IQCN: variants seen among roughly 807,000 people sequenced by gnomAD.
IQCN encodes IQ motif containing N, also known as IQ domain-containing protein N.
Under a neutral mutation model 64.4 loss-of-function variants are expected in IQCN, and 46 were observed. The observed-to-expected ratio is 0.71, with a 90% confidence interval of 0.56 to 0.91. The LOEUF (loss-of-function observed/expected upper bound fraction) is 0.91, where lower values mean the gene tolerates loss of function less well. Ranked by LOEUF, IQCN falls within the 40% of genes least tolerant of loss-of-function variation. The pLI, the probability that IQCN is intolerant of heterozygous loss-of-function variation, is 0.00. For synonymous variants in IQCN, 733 were observed against 775.6 expected (o/e 0.95, Z 0.91); for missense variants, 1,753 against 1,857.4 (o/e 0.94, Z 1.03).
rs758753850 is a variant in IQCN, at chr19:18,257,740, G to T, written c.3544C>A (p.His1182Asn). The change falls in exon 4 of 4, where the codon CAC becomes AAC. Residue 1182 changes from histidine to asparagine, a missense_variant. His to Asn is a moderately conservative substitution (Grantham distance 68). Coordinates refer to ENST00000392413, the MANE Select transcript of IQCN (RefSeq NM_001145304.2). ...GYSTRRDQARHWQMLHPVTWV... is the reference protein window; with the variant it reads ...GYSTRRDQARNWQMLHPVTWV... ...GTGACGGGGTGGAGCATCTGCCAGT[G>T]CCGGGCTTGGTCCCGGCGGGTGCTG... is the stretch of plus-strand genomic sequence containing the variant. 1.9e-6 allele frequency: 3 copies of T among 1,611,034 alleles called. No homozygotes were observed. Among genetic ancestry groups the T allele is most frequent in the Non-Finnish European group, 2.5e-6 (3 of 1,178,922 alleles).
In IQCN at chr19:18,267,055, T is replaced by C. The variant is rs751393774; in HGVS notation, c.485A>G (p.Asp162Gly). 6.2e-7 allele frequency: 1 copy of C among 1,614,248 alleles called. No individual in the cohort carries two copies. Among genetic ancestry groups the C allele is most frequent in the Non-Finnish European group, 8.5e-7 (1 of 1,180,040 alleles). ...CTGCTGTGGGGCGTGATAAGGTATG[T>C]CCCCCTCCTCCGCCCTCGTTTTCTT... is the stretch of plus-strand genomic sequence containing the variant. The part of the protein sequence containing the change: ...LVKKTRAEEG[D>G]IPYHAPQQVR... The change falls in exon 3 of 4, where the codon GAC (aspartate) becomes GGC (glycine). Residue 162 changes from aspartate (D) to glycine (G), a missense_variant. Transcript: ENST00000392413.
At position 18,257,370 on chromosome 19, in the gene IQCN, G is replaced by A. The variant is rs764246104; in HGVS notation, c.3914C>T (p.Thr1305Ile). 2 of 1,612,046 alleles carry A rather than the reference G, an allele frequency of 1.2e-6. No homozygotes were observed. The highest frequency in any genetic ancestry group is 1.3e-5 in the African/African-American group (1 of 75,078). The change falls in exon 4 of 4, where the codon ACA (threonine) becomes ATA (isoleucine). Residue 1305 changes from threonine (T) to isoleucine (I), a missense_variant. Physicochemically the swap from Thr to Ile is moderately conservative, Grantham distance 89. Coordinates refer to ENST00000392413, the MANE Select transcript of IQCN (RefSeq NM_001145304.2). ...GCCCCTCCAGGCGGACTGGATGGCT[G>A]TGGCCGCTTTGTCCTGGCGATGCGG... is the stretch of plus-strand genomic sequence containing the variant. ...RQPHRQDKAA[T>I]AIQSAWRGFK...
At chr19:18,269,663 G>T (rs1969692367) in intron 1 of IQCN, 76 bp from the exon 2 acceptor site, 10 of 408,724 alleles carry the variant, frequency 2.4e-5, no homozygotes, top group South Asian at 1.3e-4. Flanking sequence ...TTCTAAAAAA[G>T]CTAAATTCTA....
chr19:18,273,190 C>T (rs1969778918), intron 1 of IQCN, among the ~76,000 whole-genome samples: 1 of 151,978 alleles, frequency 6.6e-6, no homozygotes, highest in South Asian at 2.1e-4. Context: ...TGCCACCACA[C>T]TTGGCTAACT....
intron 3 of IQCN, among the ~76,000 whole-genome samples, chr19:18,263,200 G>A (rs562343420): frequency 2.0e-5 from 3 of 152,308 alleles, no homozygotes; most frequent in East Asian, 1.9e-4. Context: ...CTGCTTTCCC[G>A]TGACTCATCT....
intron 3 of IQCN, chr19:18,262,064 T>C (rs1031895530): frequency 1.3e-5 from 2 of 153,148 alleles, no homozygotes; most frequent in African/African-American, 2.4e-5. Flanking sequence ...TGGGCTGATA[T>C]GGGTAGGTTG....
chr19:18,266,594 C>T lies in IQCN; in HGVS notation c.946G>A (p.Gly316Ser). 2 of 1,613,624 alleles carry T rather than the reference C, an allele frequency of 1.2e-6. No homozygotes were observed. The highest frequency in any genetic ancestry group is 1.7e-6 in the Non-Finnish European group (2 of 1,179,776). The change falls in exon 3 of 4, where the codon GGC becomes AGC. Residue 316 changes from glycine to serine, a missense_variant. Physicochemically the swap from Gly to Ser is moderately conservative, Grantham distance 56 (BLOSUM62 0). Transcript: ENST00000392413. The surrounding 1 kb of genome is among the most constrained non-coding windows in gnomAD (Gnocchi z 4.3). ...VTRPSRAQTQ[G>S]PVKAETPKAP... ...TTGGGGGTCTCTGCTTTCACAGGGCCCTGGGTTTGGGCTCTGGATGGTCTC... is the reference window on the plus strand; with the variant it reads ...TTGGGGGTCTCTGCTTTCACAGGGCTCTGGGTTTGGGCTCTGGATGGTCTC...
chr19:18,269,480 G>A lies in IQCN; in HGVS notation c.-2C>T. The A allele has an allele frequency of 6.2e-7, 1 of 1,614,016 alleles. No homozygotes were observed. The highest frequency in any genetic ancestry group is 8.5e-7 in the Non-Finnish European group (1 of 1,179,986). On this transcript the variant is annotated 5_prime_UTR_variant, in exon 2 of 4. Coordinates refer to ENST00000392413, the MANE Select transcript of IQCN (RefSeq NM_001145304.2). Reference sequence around the variant, plus strand: ...CATCTTCTTACCTTGAAGGGTCATAGATTTGGAGGAGTAGCAGGAGAAGAA... The same window carrying A: ...CATCTTCTTACCTTGAAGGGTCATAAATTTGGAGGAGTAGCAGGAGAAGAA...
chr19:18,269,671 C>CA, intron 1 of IQCN, 84 bp from the exon 2 acceptor site: 5 of 404,788 alleles, frequency 1.2e-5, no homozygotes, highest in South Asian at 5.8e-5. Context: ...AAGCTAAATT[C>CA]TAAAAAAAAA....
intron 3 of IQCN, chr19:18,261,938 G>A (rs56387558): frequency 0.12 from 18,508 of 152,358 alleles, 1,363 homozygotes; most frequent in East Asian, 0.3. Context: ...ACACTTCAGT[G>A]GCCACAGATA....
rs2148103511 is a variant in IQCN, at chr19:18,265,609, G to A, written c.1931C>T (p.Pro644Leu). 1.9e-6 allele frequency: 3 copies of A among 1,613,974 alleles called. No individual in the cohort carries two copies. The highest frequency in any genetic ancestry group is 2.2e-5 in the East Asian group (1 of 44,882). ...GTCTACAGGCACATACACGTGAGGT[G>A]GCTTGTCCCCTTCCTCAGCAACTTT... ...WTKVAEEGDK[P>L]PHVYVPVDMA... Residue 644 changes from proline to leucine, a missense_variant, in exon 3 of 4, where the codon CCA (proline) becomes CTA (leucine). Physicochemically the swap from Pro to Leu is moderately conservative, Grantham distance 98 (BLOSUM62 -3). Transcript: ENST00000392413. This position sits in a 1 kb window ranked among gnomAD's most constrained non-coding sequence, Gnocchi z 4.7.
intron 3 of IQCN, chr19:18,260,076 G>T (rs181918439): frequency 6.6e-6 from 1 of 152,482 alleles, no homozygotes; most frequent in Non-Finnish European, 1.5e-5. Context: ...GAACAGAGGC[G>T]TGATTCACTG....
At chr19:18,269,773 G>A (rs1969696094) in intron 1 of IQCN, among the ~76,000 whole-genome samples, 186 bp from the exon 2 acceptor site, 1 of 151,954 alleles carries the variant, frequency 6.6e-6, no homozygotes, top group African/African-American at 2.4e-5. Flanking sequence ...AACAGTGATT[G>A]GTAGAGGTTC....
intron 3 of IQCN, chr19:18,260,554 G>T: frequency 6.5e-6 from 1 of 152,926 alleles, no homozygotes; most frequent in Non-Finnish European, 1.5e-5. Context: ...GCTTCCGTGT[G>T]GGCCACAGAT....
intron 2 of IQCN, among the ~76,000 whole-genome samples, chr19:18,268,753 G>T (rs1238661829): frequency 6.6e-6 from 1 of 151,854 alleles, no homozygotes. Flanking sequence ...CACAAGGTCA[G>T]GAGTTTGAGA....
At position 18,266,087 on chromosome 19, in the gene IQCN, G is replaced by A; in HGVS notation, c.1453C>T (p.Pro485Ser). 3.7e-6 allele frequency: 6 copies of A among 1,613,852 alleles called. No individual in the cohort carries two copies. The highest frequency in any genetic ancestry group is 5.1e-6 in the Non-Finnish European group (6 of 1,179,962). The part of the protein sequence containing the change: ...TMSKTSSQRS[P>S]VGVTKPSPQT... Reference sequence around the variant, plus strand: ...GGTGAGGGCTTGGTCACCCCAACTGGGCTCCTCTGGGATGAAGTCTTGGAC... The same window carrying A: ...GGTGAGGGCTTGGTCACCCCAACTGAGCTCCTCTGGGATGAAGTCTTGGAC... Residue 485 changes from proline (P) to serine (S), a missense_variant, in exon 3 of 4, where the codon CCA becomes TCA. Coordinates refer to ENST00000392413, the MANE Select transcript of IQCN (RefSeq NM_001145304.2). The surrounding 1 kb of genome is among the most constrained non-coding windows in gnomAD (Gnocchi z 4.3).
rs749403160 is a variant in IQCN, at chr19:18,258,114, A to G, written c.3178-8T>C. 1.9e-6 allele frequency: 3 copies of G among 1,607,506 alleles called. No individual in the cohort carries two copies. Among genetic ancestry groups the G allele is most frequent in the Non-Finnish European group, 1.7e-6 (2 of 1,179,892 alleles). Reference sequence around the variant, plus strand: ...ACCAGCGTCCGCGGGGCCCTGGAGTATAGTGGAGTTCAGGGATGCCTTGTG... The same window carrying G: ...ACCAGCGTCCGCGGGGCCCTGGAGTGTAGTGGAGTTCAGGGATGCCTTGTG... On this transcript the variant is annotated splice_region_variant and splice_polypyrimidine_tract_variant and intron_variant, in intron 3 of 3. Coordinates refer to ENST00000392413, the MANE Select transcript of IQCN (RefSeq NM_001145304.2).
At position 18,257,761 on chromosome 19, in the gene IQCN, T is replaced by C. The variant is rs1352099366; in HGVS notation, c.3523A>G (p.Thr1175Ala). The C allele has an allele frequency of 6.2e-7, 1 of 1,608,894 alleles. No individual in the cohort carries two copies. The highest frequency in any genetic ancestry group is 1.8e-4 in the Middle Eastern group (1 of 5,700). Residue 1175 changes from threonine to alanine, a missense_variant, in exon 4 of 4, where the codon ACC becomes GCC. Thr to Ala is a moderately conservative substitution (Grantham distance 58, BLOSUM62 0). Transcript: ENST00000392413. ...CAGTGCCGGGCTTGGTCCCGGCGGG[T>C]GCTGTAGCCGCGCCAGGCAGACTGG... ...TIQSAWRGYS[T>A]RRDQARHWQM...
chr19:18,263,621 G>C (rs1403335277), intron 3 of IQCN, among the ~76,000 whole-genome samples: 2 of 152,098 alleles, frequency 1.3e-5, no homozygotes, highest in South Asian at 2.1e-4. Context: ...TAGTACCCGG[G>C]GGGGCCTGTT....
Sources: allele counts gnomAD v4.1 joint callset (sites outside exome capture counted in the v4.1 genomes callset), GRCh38; gene constraint gnomAD v4.1.1; non-coding constraint Gnocchi (gnomAD v3.1); transcripts MANE v1.5; gene names NCBI Gene and HGNC (gene_info 2026-07-23, HGNC 2026-07-21).